GHR: variants seen among roughly 807,000 people sequenced by gnomAD.
The protein encoded by GHR is GH receptor.
A neutral mutation model predicts 67.1 loss-of-function variants in GHR; 35 were observed. That is an observed-to-expected ratio of 0.52 (90% CI 0.40 to 0.69). The LOEUF (loss-of-function observed/expected upper bound fraction) is 0.69, where lower values mean the gene tolerates loss of function less well. Among genes scored for constraint, GHR ranks in the 30% least tolerant of loss-of-function variants. The pLI is 0.00. For synonymous variants in GHR, 272 were observed against 269.1 expected (o/e 1.01, Z -0.10); for missense variants, 792 against 764.6 (o/e 1.04, Z -0.42).
chr5:42,691,413 A>G (rs2111677009), intron 4 of GHR, among the ~76,000 whole-genome samples: 1 of 152,330 alleles, frequency 6.6e-6, no homozygotes, highest in African/African-American at 2.4e-5. Flanking sequence ...TAGGAGTATC[A>G]GGACTGGACT....
chr5:42,623,217 A>C (rs1430405649), intron 2 of GHR, among the ~76,000 whole-genome samples: 1 of 152,180 alleles, frequency 6.6e-6, no homozygotes. Flanking sequence ...AATTTTAAAC[A>C]CAGAGAAACC....
At chr5:42,442,757 A>G in intron 1 of GHR, among the ~76,000 whole-genome samples, 1 of 152,216 alleles carries the variant, frequency 6.6e-6, no homozygotes. Flanking sequence ...ACTATTGTGA[A>G]AAAACATATT....
intron 1 of GHR, chr5:42,565,416 T>G: frequency 1.0e-6 from 1 of 979,560 alleles, no homozygotes; most frequent in Non-Finnish European, 1.2e-6. Context: ...AACAGATTTA[T>G]GAAATGTTAC....
chr5:42,447,113 G>A (rs1270347348), intron 1 of GHR, among the ~76,000 whole-genome samples: 1 of 152,168 alleles, frequency 6.6e-6, no homozygotes, highest in East Asian at 1.9e-4. Context: ...TTTGTCAACA[G>A]TGATCTAAGT....
At chr5:42,693,187 G>T (rs183850548) in intron 4 of GHR, among the ~76,000 whole-genome samples, 2,642 of 151,688 alleles carry the variant, frequency 0.017, 137 homozygotes, top group South Asian at 0.16. Flanking sequence ...ACCCAGGCTG[G>T]AGTGCAGTGG....
chr5:42,430,363 T>TAC (rs1462918524), intron 1 of GHR, among the ~76,000 whole-genome samples: 2 of 151,878 alleles, frequency 1.3e-5, no homozygotes, highest in Admixed American at 1.3e-4. Flanking sequence ...CACACACACA[T>TAC]ACACACACAC....
chr5:42,578,924 A>C (rs1750920657), intron 2 of GHR, among the ~76,000 whole-genome samples: 1 of 152,192 alleles, frequency 6.6e-6, no homozygotes, highest in African/African-American at 2.4e-5. Context: ...TAAATATCAG[A>C]GACATTAGGG....
At position 42,555,002 on chromosome 5, in the gene GHR, A is replaced by G. The variant is rs76935168; in HGVS notation, c.-11-10862A>G. 0.012 allele frequency among the ~76,000 whole-genome samples: 1,851 copies of G among 152,266 alleles called. 81 individuals are homozygous for G. The East Asian group carries it at 0.14, about 12-fold the overall frequency. On this transcript the variant is annotated intron_variant, in intron 1 of 9. Transcript: ENST00000230882. Reference sequence around the variant, plus strand: ...ACAATGAATGGTCCAAGTCCAAGCTATTACACCTCCTTTGATCCTGAAGAG... The same window carrying G: ...ACAATGAATGGTCCAAGTCCAAGCTGTTACACCTCCTTTGATCCTGAAGAG...
chr5:42,710,216 G>A (rs1325928267), intron 6 of GHR, among the ~76,000 whole-genome samples: 1 of 152,092 alleles, frequency 6.6e-6, no homozygotes, highest in Admixed American at 6.6e-5. Flanking sequence ...TTTGTGAGTA[G>A]AAACTATTGA....
chr5:42,661,815 G>C (rs1755645469), intron 3 of GHR, among the ~76,000 whole-genome samples: 1 of 152,142 alleles, frequency 6.6e-6, no homozygotes, highest in Non-Finnish European at 1.5e-5. Context: ...CTGGCAAATT[G>C]GATAAAGAGT....
chr5:42,600,527 TC>T (rs1752321509), intron 2 of GHR, among the ~76,000 whole-genome samples: 1 of 152,188 alleles, frequency 6.6e-6, no homozygotes, highest in Non-Finnish European at 1.5e-5. Flanking sequence ...ACTGAGGCAA[TC>T]CCTCAAAGGA....
At chr5:42,542,049 G>A (rs778465334) in intron 1 of GHR, among the ~76,000 whole-genome samples, 47 of 152,144 alleles carry the variant, frequency 3.1e-4, no homozygotes, top group Non-Finnish European at 5.0e-4. Flanking sequence ...TCATATATGT[G>A]GCATTAGTGT....
At chr5:42,529,743 G>T (rs1024877383) in intron 1 of GHR, among the ~76,000 whole-genome samples, 1 of 152,054 alleles carries the variant, frequency 6.6e-6, no homozygotes, top group Non-Finnish European at 1.5e-5. Context: ...TGTCCTATTT[G>T]TCTAAGGCAA....
intron 1 of GHR, among the ~76,000 whole-genome samples, chr5:42,430,176 G>T (rs1224650300): frequency 2.6e-5 from 4 of 152,224 alleles, no homozygotes; most frequent in Admixed American, 2.0e-4. Context: ...AGTCTTAGCT[G>T]CCTTGGAAGA....
intron 1 of GHR, among the ~76,000 whole-genome samples, chr5:42,563,770 T>C (rs1045854642): frequency 6.6e-6 from 1 of 151,856 alleles, no homozygotes; most frequent in Admixed American, 6.6e-5. Context: ...ATCGTGCCAC[T>C]GCACTCCAGG....
chr5:42,569,699 G>A (rs926867535), intron 2 of GHR, among the ~76,000 whole-genome samples: 2 of 151,958 alleles, frequency 1.3e-5, no homozygotes, highest in Admixed American at 1.3e-4. Flanking sequence ...ATATTTGTAT[G>A]TGTGTAATAC....
chr5:42,541,949 T>G (rs1047464100), intron 1 of GHR, among the ~76,000 whole-genome samples: 1 of 152,192 alleles, frequency 6.6e-6, no homozygotes, highest in African/African-American at 2.4e-5. Flanking sequence ...CTATAAAACA[T>G]TCAAAGAAAT....
At chr5:42,650,317 G>A (rs533832924) in intron 3 of GHR, among the ~76,000 whole-genome samples, 1 of 152,026 alleles carries the variant, frequency 6.6e-6, no homozygotes. Flanking sequence ...TTGCCTGAGG[G>A]ATTTGCAAGC....
intron 2 of GHR, among the ~76,000 whole-genome samples, chr5:42,614,190 CTATT>C (rs943171555): frequency 6.6e-6 from 1 of 152,072 alleles, no homozygotes; most frequent in Non-Finnish European, 1.5e-5. Flanking sequence ...CATTGGAAGT[CTATT>C]TATTATTAGT....
Sources: gnomAD v4.1 joint callset for allele counts (sites outside exome capture counted in the v4.1 genomes callset) on GRCh38, gnomAD v4.1.1 for gene constraint, MANE v1.5 for transcripts, NCBI Gene and HGNC (gene_info 2026-07-23, HGNC 2026-07-21) for gene names.